The following SFRP2 variants were observed in gnomAD, a reference collection of about 807,000 sequenced individuals.
SFRP2 encodes the protein secreted frizzled-related protein 2.
In SFRP2, 16 loss-of-function variants were observed where a neutral mutation model predicts 26.0. That is an observed-to-expected ratio of 0.61 (90% CI 0.42 to 0.93). The LOEUF (loss-of-function observed/expected upper bound fraction) is 0.93. Among genes scored for constraint, SFRP2 ranks in the 40% least tolerant of loss-of-function variants. SFRP2 has a pLI of 0.00. For synonymous variants in SFRP2, 173 were observed against 167.3 expected (o/e 1.03, Z -0.26); for missense variants, 343 against 392.4 (o/e 0.87, Z 1.06).
chr4:153,785,914 TTA>T lies in SFRP2; in HGVS notation c.531_532del (p.Asn177LysfsTer3). ...CATTATGTCGTTGTCATCATCATTT[TTA>T]TTTTTGCAGGCTTCACATACCTTTG... On this transcript the variant is annotated frameshift_variant, in exon 2 of 3. Coordinates refer to ENST00000274063, the MANE Select transcript of SFRP2 (RefSeq NM_003013.3). LOFTEE classifies it high-confidence loss of function. The T allele has an allele frequency of 6.2e-7, 1 of 1,605,666 alleles. No homozygotes were observed. The highest frequency in any genetic ancestry group is 8.5e-7 in the Non-Finnish European group (1 of 1,176,414).
Position 153,781,486 on chromosome 4 carries a change from G to A in SFRP2, c.853C>T (p.Arg285Cys). ...AGCTTGCGGATGCTGCGGGAGATGC[G>A]CTTGAACTCTCTCTGCCCCTTCTGC... is the stretch of plus-strand genomic sequence containing the variant. Reference protein sequence around the residue: ...RWQKGQREFKRISRSIRKLQC With the variant: ...RWQKGQREFKCISRSIRKLQC Residue 285 changes from arginine (R) to cysteine (C), a missense_variant, in exon 3 of 3, where the codon CGC (arginine) becomes TGC (cysteine). This residue lies in a region of SFRP2 where 92 missense variants were observed against 139.0 expected (regional missense o/e 0.66). Transcript: ENST00000274063. 1 of 1,613,852 alleles carries A rather than the reference G, an allele frequency of 6.2e-7. No homozygotes were observed. The highest frequency in any genetic ancestry group is 8.5e-7 in the Non-Finnish European group (1 of 1,180,014).
intron 2 of SFRP2, among the ~76,000 whole-genome samples, chr4:153,783,826 T>C (rs1401528134): frequency 6.6e-6 from 1 of 152,224 alleles, no homozygotes; most frequent in African/African-American, 2.4e-5. Flanking sequence ...AATAATCTTA[T>C]GATGCAGTTC....
At chr4:153,787,976 G>A (rs1403165422) in intron 1 of SFRP2, among the ~76,000 whole-genome samples, 3 of 152,312 alleles carry the variant, frequency 2.0e-5, no homozygotes, top group South Asian at 2.1e-4. Context: ...CCAACGCTCT[G>A]CGCAGCTCCA....
intron 1 of SFRP2, among the ~76,000 whole-genome samples, chr4:153,786,857 TAA>T (rs201360782): frequency 0.052 from 6,707 of 129,908 alleles, 268 homozygotes; most frequent in East Asian, 0.23. Flanking sequence ...TTGGGAGAAG[TAA>T]AAAAAAAAAA....
intron 2 of SFRP2, among the ~76,000 whole-genome samples, chr4:153,785,636 G>C (rs752862739): frequency 2.7e-5 from 4 of 146,224 alleles, no homozygotes; most frequent in Non-Finnish European, 6.0e-5. Flanking sequence ...TTTGATTATT[G>C]GCTTAACAGA....
intron 1 of SFRP2, among the ~76,000 whole-genome samples, chr4:153,786,535 C>T (rs1230580541): frequency 1.3e-5 from 2 of 152,124 alleles, no homozygotes; most frequent in African/African-American, 4.8e-5. Flanking sequence ...GGGCTGTTTC[C>T]ACCTTGAAAA....
chr4:153,788,821 A>G lies in SFRP2; in HGVS notation c.15T>C (p.Pro5=). 1 of 1,595,864 alleles carries G rather than the reference A, an allele frequency of 6.3e-7. No individual in the cohort carries two copies. Among genetic ancestry groups the G allele is most frequent in the South Asian group, 1.1e-5 (1 of 90,642 alleles). The change falls in exon 1 of 3, where the codon CCT becomes CCC. Residue 5 remains proline, a synonymous_variant. Transcript: ENST00000274063. MLQG[P]GSLLLLFLAS... The stretch of plus-strand genomic sequence containing the variant: ...CGAGGAAGAGCAGCAGCAGCGAGCC[A>G]GGGCCCTGCAGCATCGTGGGCGCGC...
intron 2 of SFRP2, among the ~76,000 whole-genome samples, chr4:153,785,576 G>GAATTAAAAATT (rs1560810919): frequency 9.8e-6 from 1 of 102,166 alleles, no homozygotes; most frequent in African/African-American, 3.5e-5. Context: ...AAAAAAAAAA[G>GAATTAAAAATT]GGATTTAAAA....
At chr4:153,786,781 T>A (rs9799574) in intron 1 of SFRP2, among the ~76,000 whole-genome samples, 1 of 151,964 alleles carries the variant, frequency 6.6e-6, no homozygotes. Flanking sequence ...CTGATCAAAC[T>A]TAGGGATTGT....
chr4:153,785,654 G>A (rs760812163), intron 2 of SFRP2, among the ~76,000 whole-genome samples: 1 of 147,646 alleles, frequency 6.8e-6, no homozygotes, highest in Non-Finnish European at 1.5e-5. Flanking sequence ...AGAACAATGA[G>A]TCTCACCTAA....
chr4:153,788,386 G>A lies in SFRP2; in HGVS notation c.450C>T (p.Asp150=), dbSNP rs775477124. The A allele has an allele frequency of 3.1e-6, 5 of 1,613,660 alleles. No homozygotes were observed. The African/African-American group carries it at 4.0e-5, about 13-fold the overall frequency. Reference sequence around the variant, plus strand: ...CGCTGCTAGCGAGGGGGATGCAAAGGTCGTTGTCCTGGGGGAAACGGTCGC... The same window carrying A: ...CGCTGCTAGCGAGGGGGATGCAAAGATCGTTGTCCTGGGGGAAACGGTCGC... ...LECDRFPQDN[D]LCIPLASSDH... is the part of the protein sequence containing the mutation. The change falls in exon 1 of 3, where the codon GAC becomes GAT. Residue 150 remains aspartate, a synonymous_variant. Coordinates refer to ENST00000274063, the MANE Select transcript of SFRP2 (RefSeq NM_003013.3).
chr4:153,788,608 G>A lies in SFRP2; in HGVS notation c.228C>T (p.Ala76=), dbSNP rs1311598187. ...HETMKEVLEQ[A]GAWIPLVMKQ... ...TCATGACCAGCGGGATCCAAGCGCC[G>A]GCCTGCTCCAGCACCTCCTTCATGG... Residue 76 remains alanine, a synonymous_variant, in exon 1 of 3, where the codon GCC becomes GCT. Coordinates refer to ENST00000274063, the MANE Select transcript of SFRP2 (RefSeq NM_003013.3). 1 of 1,614,170 alleles carries A rather than the reference G, an allele frequency of 6.2e-7. No homozygotes were observed. Among genetic ancestry groups the A allele is most frequent in the Non-Finnish European group, 8.5e-7 (1 of 1,180,018 alleles).
chr4:153,781,624 G>C lies in SFRP2; in HGVS notation c.715C>G (p.Leu239Val). 6.2e-7 allele frequency: 1 copy of C among 1,614,154 alleles called. No homozygotes were observed. The highest frequency in any genetic ancestry group is 8.5e-7 in the Non-Finnish European group (1 of 1,180,026). ...ERDLKKSVLW[L>V]KDSLQCTCEE... ...CAGGTGCACTGCAAGCTGTCTTTGA[G>C]CCACAGCACCGATTTCTTCAGGTCC... Residue 239 changes from leucine to valine, a missense_variant, in exon 3 of 3, where the codon CTC becomes GTC. Around this residue, in one of 2 missense-constraint regions of SFRP2, gnomAD observed 92 missense variants for 139.0 expected, o/e 0.66. Transcript: ENST00000274063.
Position 153,788,945 on chromosome 4 carries a change from G to C in SFRP2, c.-110C>G. The C allele has an allele frequency of 7.7e-7, 1 of 1,304,992 alleles. No individual in the cohort carries two copies. Among genetic ancestry groups the C allele is most frequent in the Non-Finnish European group, 1.0e-6 (1 of 998,392 alleles). 80.8% of individuals were successfully genotyped at this position (1,304,992 alleles called of 1,614,324 possible). A position where few individuals can be genotyped will look rare whatever the true frequency, so the allele number is the denominator to read the frequency against. ...CTCTCTTCGCTGGGTGCGACTCGGG[G>C]CCCCGAAAAGCTGGCAGCCGGCGGC... On this transcript the variant is annotated 5_prime_UTR_variant, in exon 1 of 3. Transcript: ENST00000274063.
At chr4:153,782,641 C>T (rs1016115684) in intron 2 of SFRP2, among the ~76,000 whole-genome samples, 9 of 152,188 alleles carry the variant, frequency 5.9e-5, no homozygotes, top group African/African-American at 2.2e-4. Context: ...GGGATCATCC[C>T]ATTAAAATTG....
chr4:153,789,040 G>T lies in SFRP2; in HGVS notation c.-205C>A, dbSNP rs908476374. The T allele has an allele frequency of 5.5e-6, 3 of 543,458 alleles. No individual in the cohort carries two copies. Among genetic ancestry groups the T allele is most frequent in the African/African-American group, 2.0e-5 (1 of 49,474 alleles). 33.7% of individuals were successfully genotyped at this position (543,458 alleles called of 1,614,324 possible). A position where few individuals can be genotyped will look rare whatever the true frequency, so the allele number is the denominator to read the frequency against. On this transcript the variant is annotated 5_prime_UTR_variant, in exon 1 of 3. Coordinates refer to ENST00000274063, the MANE Select transcript of SFRP2 (RefSeq NM_003013.3). ...GCGCTGCAAGCCCGCGCGCAGCTCC[G>T]GGGGGCTCCGACCCGGGGGAGCAGA...
Position 153,789,074 on chromosome 4 carries a change from T to TG in SFRP2, c.-240_-239insC. On this transcript the variant is annotated 5_prime_UTR_variant, in exon 1 of 3. Coordinates refer to ENST00000274063, the MANE Select transcript of SFRP2 (RefSeq NM_003013.3). ...CGACCCGGGGGAGCAGAATGAGCCG[T>TG]TGCTGGGGCACAGCCAGAGTTTTCT... is the stretch of plus-strand genomic sequence containing the variant. The TG allele has an allele frequency of 2.0e-6, 1 of 489,630 alleles. No homozygotes were observed. The highest frequency in any genetic ancestry group is 3.4e-5 in the East Asian group (1 of 29,092). The allele number at this position is 489,630 out of a possible 1,614,324, so 30.3% of individuals were successfully genotyped here. A position where few individuals can be genotyped will look rare whatever the true frequency, so the allele number is the denominator to read the frequency against.
intron 2 of SFRP2, among the ~76,000 whole-genome samples, chr4:153,785,303 A>C (rs142040319): frequency 6.6e-6 from 1 of 152,242 alleles, no homozygotes; most frequent in East Asian, 1.9e-4. Flanking sequence ...CTTCTCAGTA[A>C]GCCACTCTTC....
chr4:153,786,206 A>G (rs777198767), intron 1 of SFRP2, among the ~76,000 whole-genome samples: 13 of 152,190 alleles, frequency 8.5e-5, no homozygotes, highest in Non-Finnish European at 1.5e-4. Flanking sequence ...ATGACTCTCA[A>G]AAGGGAGTTG....
Sources: gnomAD v4.1 joint callset for allele counts (sites outside exome capture counted in the v4.1 genomes callset) on GRCh38, gnomAD v4.1.1 for gene constraint, gnomAD v4.1.1 regional missense constraint, MANE v1.5 for transcripts, NCBI Gene and HGNC (gene_info 2026-07-23, HGNC 2026-07-21) for gene names.